Variants in SAMMSON observed in about 807,000 individuals in gnomAD.
SAMMSON encodes long intergenic non-protein coding RNA 1212.
At chr3:70,390,581 C>A (rs1701037090), downstream of SAMMSON, among the ~76,000 whole-genome samples, 1 of 151,856 alleles carries the variant, frequency 6.6e-6, no homozygotes, top group African/African-American at 2.4e-5. Flanking sequence ...GGGAGGATTA[C>A]CACACATTTA....
chr3:70,101,292 T>A (rs948280925), intron 4 of SAMMSON, among the ~76,000 whole-genome samples: 2 of 152,164 alleles, frequency 1.3e-5, no homozygotes, highest in African/African-American at 4.8e-5. Flanking sequence ...TAATAACAAA[T>A]GACAGGATGG....
In SAMMSON at chr3:70,247,726, A is replaced by G. The variant is rs566458094; in HGVS notation, n.508-1381A>G. Among the ~76,000 whole-genome samples, 8 of 152,076 alleles carry G rather than the reference A, an allele frequency of 5.3e-5. No homozygotes were observed. The East Asian group carries it at 1.4e-3, about 26-fold the overall frequency. On this transcript the variant is annotated intron_variant and non_coding_transcript_variant, in intron 4 of 9. Transcript: ENST00000642114. The stretch of plus-strand genomic sequence containing the variant: ...GTATACATGCTATGAGCATTTGCCA[A>G]TGCAATATAAAGCAAGTGGGACCAA...
chr3:70,029,056 A>C (rs573766703), intron 3 of SAMMSON, among the ~76,000 whole-genome samples: 1 of 152,272 alleles, frequency 6.6e-6, no homozygotes, highest in Non-Finnish European at 1.5e-5. Context: ...AAACCATTAT[A>C]CCATATTGCA....
At position 70,423,741 on chromosome 3, in the gene SAMMSON, A is replaced by G. The variant is rs534793786; in HGVS notation, n.234-38819A>G. Among the ~76,000 whole-genome samples the G allele has an allele frequency of 2.4e-4, 37 of 152,320 alleles. No homozygotes were observed. In the East Asian group the frequency reaches 7.1e-3, roughly 29 times the overall value. On this transcript the variant is annotated intron_variant and non_coding_transcript_variant, in intron 2 of 3. Transcript: ENST00000641053. ...TTGGAACTCTGTATGTTTGGGGGTTAGGAAGAACAGAATGGAGGAGTGAGG... is the reference window on the plus strand; with the variant it reads ...TTGGAACTCTGTATGTTTGGGGGTTGGGAAGAACAGAATGGAGGAGTGAGG...
chr3:70,201,697 T>A (rs915632702), intron 4 of SAMMSON, among the ~76,000 whole-genome samples: 1 of 152,190 alleles, frequency 6.6e-6, no homozygotes, highest in Non-Finnish European at 1.5e-5. Context: ...CTGCCTTCCA[T>A]AATATGCTCC....
At chr3:70,224,292 A>G (rs1268738194) in intron 4 of SAMMSON, among the ~76,000 whole-genome samples, 1 of 152,194 alleles carries the variant, frequency 6.6e-6, no homozygotes, top group Non-Finnish European at 1.5e-5. Context: ...CTCCAAGCAC[A>G]CTGCAATGGT....
At chr3:70,260,911 C>T (rs1028623540) in intron 6 of SAMMSON, among the ~76,000 whole-genome samples, 2 of 152,094 alleles carry the variant, frequency 1.3e-5, no homozygotes, top group Non-Finnish European at 2.9e-5. Flanking sequence ...GACCAATATA[C>T]TTCTAGCTGA....
chr3:70,021,919 G>T (rs971531916), intron 3 of SAMMSON, among the ~76,000 whole-genome samples: 1 of 152,198 alleles, frequency 6.6e-6, no homozygotes, highest in Non-Finnish European at 1.5e-5. Context: ...AGAAACCTAT[G>T]AAATCTTCAT....
intron 3 of SAMMSON, among the ~76,000 whole-genome samples, chr3:70,045,145 A>G (rs1327963317): frequency 2.3e-5 from 3 of 131,118 alleles, no homozygotes; most frequent in African/African-American, 8.5e-5. Context: ...TATAATTTAT[A>G]TATATTAATT....
chr3:70,429,952 C>G (rs1054826133), intron 2 of SAMMSON, among the ~76,000 whole-genome samples: 1 of 152,140 alleles, frequency 6.6e-6, no homozygotes, highest in African/African-American at 2.4e-5. Flanking sequence ...TTTGAATACA[C>G]TTTATTTGTT....
At chr3:70,210,036 A>G (rs1014205221) in intron 4 of SAMMSON, among the ~76,000 whole-genome samples, 4 of 152,134 alleles carry the variant, frequency 2.6e-5, no homozygotes, top group African/African-American at 9.6e-5. Context: ...TCAAATTATC[A>G]CACGTAGTCA....
intron 2 of SAMMSON, among the ~76,000 whole-genome samples, chr3:70,427,372 T>G (rs1219205468): frequency 6.6e-6 from 1 of 152,180 alleles, no homozygotes; most frequent in Non-Finnish European, 1.5e-5. Context: ...CCATGTTATC[T>G]CACTTAGGCA....
intron 3 of SAMMSON, among the ~76,000 whole-genome samples, chr3:70,041,550 T>C (rs2067106329): frequency 6.6e-6 from 1 of 152,014 alleles, no homozygotes; most frequent in African/African-American, 2.4e-5. Context: ...GTGACATTGG[T>C]GACATATATT....
At chr3:70,264,965 C>T (rs1701902460) in intron 6 of SAMMSON, among the ~76,000 whole-genome samples, 1 of 152,148 alleles carries the variant, frequency 6.6e-6, no homozygotes, top group African/African-American at 2.4e-5. Context: ...GAATGAGGAG[C>T]AAAGTCACAT....
At chr3:70,118,075 C>A (rs375159658) in intron 4 of SAMMSON, among the ~76,000 whole-genome samples, 10 of 151,950 alleles carry the variant, frequency 6.6e-5, no homozygotes, top group Non-Finnish European at 1.0e-4. Context: ...CCCACCACCA[C>A]GCCCGGCTAA....
At chr3:70,010,232 C>T (rs6775820) in intron 1 of SAMMSON, among the ~76,000 whole-genome samples, 2 of 151,320 alleles carry the variant, frequency 1.3e-5, no homozygotes, top group African/African-American at 4.9e-5. Flanking sequence ...TAATGTTGAC[C>T]GTGGGGTGTT....
chr3:70,401,144 A>G (rs1007973122), intron 2 of SAMMSON, among the ~76,000 whole-genome samples: 2 of 151,994 alleles, frequency 1.3e-5, no homozygotes, highest in African/African-American at 4.8e-5. Context: ...CTAGTAATTT[A>G]TATAATAGAT....
intron 4 of SAMMSON, among the ~76,000 whole-genome samples, chr3:70,098,636 G>C (rs750975256): frequency 6.6e-6 from 1 of 151,938 alleles, no homozygotes; most frequent in Non-Finnish European, 1.5e-5. Flanking sequence ...CAAAGTGCTG[G>C]GATTACAGGT....
chr3:70,295,152 C>T (rs1318570140), intron 7 of SAMMSON, among the ~76,000 whole-genome samples: 1 of 152,040 alleles, frequency 6.6e-6, no homozygotes, highest in Non-Finnish European at 1.5e-5. Flanking sequence ...ATGGAGTCAC[C>T]CTGGAAATGC....
Sources: gnomAD v4.1 joint callset for allele counts (sites outside exome capture counted in the v4.1 genomes callset) on GRCh38, gnomAD v4.1.1 for gene constraint, MANE v1.5 for transcripts, NCBI Gene and HGNC (gene_info 2026-07-23, HGNC 2026-07-21) for gene names.